Variants in SORCS2 observed in about 807,000 individuals in gnomAD.
SORCS2 encodes the protein VPS10 domain-containing receptor SorCS2.
SORCS2 carries 100 observed loss-of-function variants against 141.6 expected under a neutral mutation model. The observed-to-expected ratio is 0.71, with a 90% CI of 0.60 to 0.83. SORCS2 has a LOEUF of 0.83. Ranked by LOEUF, SORCS2 falls within the 40% of genes least tolerant of loss-of-function variation. SORCS2 has a pLI of 0.00. For missense variants in SORCS2, 1,646 were observed against 1,560.2 expected (o/e 1.05, Z -0.93); for synonymous variants, 789 against 676.9 (o/e 1.17, Z -2.57).
At chr4:7,434,967 G>A (rs2109240599) in intron 2 of SORCS2, 10 of 1,439,898 alleles carry the variant, frequency 6.9e-6, no homozygotes, top group South Asian at 1.5e-5. Context: ...GAGGAGGCAC[G>A]GAAGGGCGGC....
chr4:7,677,608 C>CAG (rs1560476672), intron 9 of SORCS2, among the ~76,000 whole-genome samples: 1 of 152,162 alleles, frequency 6.6e-6, no homozygotes, highest in African/African-American at 2.4e-5. Context: ...CCGTGGGTGG[C>CAG]CAGTAGACCC....
At chr4:7,539,925 C>T (rs1300191284) in intron 3 of SORCS2, among the ~76,000 whole-genome samples, 1 of 151,632 alleles carries the variant, frequency 6.6e-6, no homozygotes, top group Non-Finnish European at 1.5e-5. Context: ...GGCCCCACCC[C>T]CTTCCTGCTG....
intron 1 of SORCS2, among the ~76,000 whole-genome samples, chr4:7,251,952 T>C (rs766852834): frequency 2.6e-5 from 4 of 152,092 alleles, no homozygotes; most frequent in African/African-American, 7.2e-5. Context: ...GGGCAGGACC[T>C]AATGATGACA....
intron 3 of SORCS2, among the ~76,000 whole-genome samples, chr4:7,551,179 G>C (rs1251658849): frequency 2.6e-5 from 4 of 152,176 alleles, no homozygotes; most frequent in Non-Finnish European, 5.9e-5. Context: ...AGGGAAAATT[G>C]GTTTGATATT....
chr4:7,341,098 G>A lies in SORCS2; in HGVS notation c.481-55190G>A, dbSNP rs1000948621. On this transcript the variant is annotated intron_variant, in intron 1 of 26. Coordinates refer to ENST00000507866, the MANE Select transcript of SORCS2 (RefSeq NM_020777.3). ...AAATACAGATGTGCATGGTGGGGAG[G>A]ATGGTCTTGTTGACTGCAGCGTCTC... 4.6e-5 allele frequency among the ~76,000 whole-genome samples: 7 copies of A among 152,356 alleles called. No individual in the cohort carries two copies. In the East Asian group the frequency reaches 1.3e-3, roughly 29 times the overall value.
At chr4:7,523,376 G>A (rs908358882) in intron 2 of SORCS2, among the ~76,000 whole-genome samples, 1 of 152,178 alleles carries the variant, frequency 6.6e-6, no homozygotes, top group Non-Finnish European at 1.5e-5. Context: ...GAGCCTTCAG[G>A]TCTGGCACCC....
At chr4:7,461,412 G>A (rs917082307) in intron 2 of SORCS2, among the ~76,000 whole-genome samples, 3 of 152,150 alleles carry the variant, frequency 2.0e-5, no homozygotes, top group Non-Finnish European at 4.4e-5. Flanking sequence ...CAGCCTGGCC[G>A]CGCCAAGGCC....
intron 1 of SORCS2, among the ~76,000 whole-genome samples, chr4:7,263,293 T>C (rs942212458): frequency 1.3e-5 from 2 of 152,174 alleles, no homozygotes; most frequent in African/African-American, 2.4e-5. Flanking sequence ...GAAAATGGAC[T>C]GAGAGTTGGG....
intron 8 of SORCS2, among the ~76,000 whole-genome samples, chr4:7,670,382 A>G (rs1253555898): frequency 6.6e-6 from 1 of 152,256 alleles, no homozygotes; most frequent in Non-Finnish European, 1.5e-5. Flanking sequence ...TAGAGAAAAG[A>G]GAAGAAAAAT....
chr4:7,260,868 C>T (rs1247484899), intron 1 of SORCS2, among the ~76,000 whole-genome samples: 1 of 152,216 alleles, frequency 6.6e-6, no homozygotes, highest in Non-Finnish European at 1.5e-5. Context: ...CTTACAACCT[C>T]CCCCGAGCAG....
intron 3 of SORCS2, among the ~76,000 whole-genome samples, chr4:7,553,513 A>G (rs1362668522): frequency 1.3e-5 from 2 of 152,260 alleles, no homozygotes; most frequent in Admixed American, 1.3e-4. Flanking sequence ...AGATAAAGGC[A>G]ACTTCAGATA....
rs894887987 is a variant in SORCS2, at chr4:7,201,251, G to A, written c.480+8125G>A. On this transcript the variant is annotated intron_variant, in intron 1 of 26. Coordinates refer to ENST00000507866, the MANE Select transcript of SORCS2 (RefSeq NM_020777.3). The surrounding 1 kb of genome is among the most constrained non-coding windows in gnomAD (Gnocchi z 4.4). ...CCTAGGGGCTGGAGCAGCCTGGAGC[G>A]CTCATGGGCACAGGAGAGACTCGTG... 7.2e-5 allele frequency among the ~76,000 whole-genome samples: 11 copies of A among 152,206 alleles called. No individual in the cohort carries two copies. The highest frequency in any genetic ancestry group is 4.8e-5 in the African/African-American group (2 of 41,448).
intron 1 of SORCS2, among the ~76,000 whole-genome samples, chr4:7,229,373 C>A (rs771558858): frequency 6.6e-6 from 1 of 151,824 alleles, no homozygotes; most frequent in Non-Finnish European, 1.5e-5. Flanking sequence ...TTTCTTAGCA[C>A]CCGGGACTGA....
At position 7,740,294 on chromosome 4, in the gene SORCS2, C is replaced by A; in HGVS notation, c.*30C>A. The A allele has an allele frequency of 6.3e-7, 1 of 1,599,888 alleles. No homozygotes were observed. Among genetic ancestry groups the A allele is most frequent in the Non-Finnish European group, 8.5e-7 (1 of 1,173,742 alleles). On this transcript the variant is annotated 3_prime_UTR_variant, in exon 27 of 27. Transcript: ENST00000507866. ...ACCCCAGCATCTGTCTTTTCACCCA[C>A]GGAGGGCACAGAACCACCAGCAAAG...
At chr4:7,265,956 C>T (rs113949486) in intron 1 of SORCS2, among the ~76,000 whole-genome samples, 8 of 152,258 alleles carry the variant, frequency 5.3e-5, no homozygotes, top group Middle Eastern at 3.4e-3. Flanking sequence ...AAACAGCCTC[C>T]GGCTCATCCT....
intron 1 of SORCS2, among the ~76,000 whole-genome samples, chr4:7,340,262 C>T (rs150585671): frequency 4.9e-4 from 75 of 152,374 alleles, no homozygotes; most frequent in African/African-American, 1.7e-3. Flanking sequence ...TGACCATGGC[C>T]CTGCCCCATG....
chr4:7,286,595 G>GCC lies in SORCS2; in HGVS notation c.480+93474_480+93475dup, dbSNP rs1279561943. ...CATGGTCCCATTCGGTCCCAGGCCA[G>GCC]CCCCCCGTATCTTACGGATGGAGGA... On this transcript the variant is annotated intron_variant, in intron 1 of 26. Coordinates refer to ENST00000507866, the MANE Select transcript of SORCS2 (RefSeq NM_020777.3). This position sits in a 1 kb window ranked among gnomAD's most constrained non-coding sequence, Gnocchi z 4.1. Among the ~76,000 whole-genome samples the GCC allele has an allele frequency of 1.3e-5, 2 of 152,204 alleles. No homozygotes were observed. Among genetic ancestry groups the GCC allele is most frequent in the Non-Finnish European group, 2.9e-5 (2 of 68,032 alleles).
At chr4:7,262,736 C>T (rs1300659324) in intron 1 of SORCS2, among the ~76,000 whole-genome samples, 1 of 152,180 alleles carries the variant, frequency 6.6e-6, no homozygotes, top group East Asian at 1.9e-4. Flanking sequence ...ACTGGGCACA[C>T]TGACACGACC....
At chr4:7,536,209 C>T (rs541819435) in intron 3 of SORCS2, among the ~76,000 whole-genome samples, 37 of 152,304 alleles carry the variant, frequency 2.4e-4, no homozygotes, top group African/African-American at 8.9e-4. Context: ...AAACTGTAGG[C>T]AAGTTCCTAA....
Sources: gnomAD v4.1 joint callset for allele counts (sites outside exome capture counted in the v4.1 genomes callset) on GRCh38, gnomAD v4.1.1 for gene constraint, Gnocchi (gnomAD v3.1) non-coding constraint, MANE v1.5 for transcripts, NCBI Gene and HGNC (gene_info 2026-07-23, HGNC 2026-07-21) for gene names.